MBTPS1: variants seen among roughly 807,000 people sequenced by gnomAD.
The protein encoded by MBTPS1 is membrane bound transcription factor peptidase, site 1.
Under a neutral mutation model 127.8 loss-of-function variants are expected in MBTPS1, and 94 were observed. The observed-to-expected ratio is 0.74, with a 90% CI of 0.62 to 0.87. The LOEUF is 0.87. MBTPS1 is among the 40% of genes least tolerant of loss of function. The pLI is 0.00. For synonymous variants in MBTPS1, 632 were observed against 509.4 expected, an observed-to-expected ratio of 1.24 and a Z score of -3.24; for missense variants, 1,636 against 1,353.2, an observed-to-expected ratio of 1.21 and a Z score of -3.28.
At chr16:84,099,513 C>A (rs905028417) in intron 2 of MBTPS1, among the ~76,000 whole-genome samples, 3 of 152,118 alleles carry the variant, frequency 2.0e-5, no homozygotes, top group African/African-American at 4.8e-5. Context: ...GGGCTGGGCG[C>A]GGTGGCTCAC....
At chr16:84,097,511 C>G (rs1238996847) in intron 3 of MBTPS1, among the ~76,000 whole-genome samples, 1 of 152,300 alleles carries the variant, frequency 6.6e-6, no homozygotes, top group East Asian at 1.9e-4. Flanking sequence ...CCGGAACACA[C>G]GCAGTGGAGA....
intron 8 of MBTPS1, among the ~76,000 whole-genome samples, 153 bp from the exon 9 acceptor site, chr16:84,087,613 C>CG (rs2086049153): frequency 6.6e-6 from 1 of 152,174 alleles, no homozygotes; most frequent in African/African-American, 2.4e-5. Flanking sequence ...CAGCTCCTCA[C>CG]GGCTGTCCTG....
chr16:84,065,655 G>T (rs1422184844), intron 18 of MBTPS1, 35 bp downstream of exon 18: 4 of 1,403,096 alleles, frequency 2.9e-6, no homozygotes, highest in Non-Finnish European at 4.0e-6. Flanking sequence ...GCGAGAGAAA[G>T]AAGAAGCAAA....
Position 84,093,298 on chromosome 16 carries a change from C to G in MBTPS1, c.737-1G>C, listed in dbSNP as rs1313045481. 1 of 1,597,956 alleles carries G rather than the reference C, an allele frequency of 6.3e-7. No individual in the cohort carries two copies. Reference sequence around the variant, plus strand: ...GCCACGAATGTGCCATGGCCCAACCCTGCAGTCCATAAAGAAAACAATCCC... The same window carrying G: ...GCCACGAATGTGCCATGGCCCAACCGTGCAGTCCATAAAGAAAACAATCCC... On this transcript the variant is annotated splice_acceptor_variant, in intron 5 of 22. Transcript: ENST00000343411. LOFTEE classifies it high-confidence loss of function.
intron 1 of MBTPS1, among the ~76,000 whole-genome samples, chr16:84,111,843 G>C (rs2086402058): frequency 1.3e-5 from 2 of 151,408 alleles, no homozygotes; most frequent in Admixed American, 1.3e-4. Context: ...AAGTAAAACA[G>C]TTCATGCACC....
At chr16:84,098,929 T>A (rs756233434) in intron 3 of MBTPS1, 124 bp downstream of exon 3, 1 of 1,010,030 alleles carries the variant, frequency 9.9e-7, no homozygotes, top group Non-Finnish European at 1.5e-6. Context: ...CAGGAAAATG[T>A]TCACAATTAG....
At chr16:84,064,625 C>G (rs1426742455) in intron 18 of MBTPS1, among the ~76,000 whole-genome samples, 1 of 152,086 alleles carries the variant, frequency 6.6e-6, no homozygotes, top group East Asian at 1.9e-4. Flanking sequence ...GGGTACAAGC[C>G]AATGAGACCA....
chr16:84,064,808 T>C (rs1265012969), intron 18 of MBTPS1, among the ~76,000 whole-genome samples: 1 of 152,216 alleles, frequency 6.6e-6, no homozygotes, highest in African/African-American at 2.4e-5. Context: ...AACTTGCTTT[T>C]GATAAAAGGA....
In MBTPS1 at chr16:84,093,219, A is replaced by G; in HGVS notation, c.815T>C (p.Leu272Pro). 6.2e-7 allele frequency: 1 copy of G among 1,613,888 alleles called. No homozygotes were observed. Among genetic ancestry groups the G allele is most frequent in the Non-Finnish European group, 8.5e-7 (1 of 1,179,728 alleles). Residue 272 changes from leucine to proline, a missense_variant, in exon 6 of 23, where the codon CTT becomes CCT. Leu to Pro is a moderately conservative substitution (Grantham distance 98, BLOSUM62 -3). Transcript: ENST00000343411. ...ECQGFAPDAE[L>P]HIFRVFTNNQ... ...ATTGGTAAAGACCCTGAAAATGTGA[A>G]GTTCTGCATCTGGAGCAAATCCTTG...
Position 84,060,610 on chromosome 16 carries a change from C to T in MBTPS1, c.2704+72G>A, listed in dbSNP as rs112162352. The T allele has an allele frequency of 6.8e-5, 106 of 1,548,034 alleles. No homozygotes were observed. The African/African-American group carries it at 1.2e-3, about 18-fold the overall frequency. On this transcript the variant is annotated intron_variant, in intron 20 of 22. Transcript: ENST00000343411. ...TGGCCCCACTTGCTGGCAGGCACAG[C>T]CACTGGCTGAAGTAGCATCATGTTC...
chr16:84,091,793 ATCT>A lies in MBTPS1; in HGVS notation c.899_901del (p.Lys300del). 1 of 1,614,200 alleles carries A rather than the reference ATCT, an allele frequency of 6.2e-7. No individual in the cohort carries two copies. Among genetic ancestry groups the A allele is most frequent in the Non-Finnish European group, 8.5e-7 (1 of 1,180,014 alleles). On this transcript the variant is annotated inframe_deletion, in exon 7 of 23. Coordinates refer to ENST00000343411, the MANE Select transcript of MBTPS1 (RefSeq NM_003791.4). ...GCCGATGCTGAGGTTTAACACGTCG[ATCT>A]TCTTTAAAATGGCATAGTTGAAGGC...
chr16:84,072,331 G>C (rs2085782020), intron 12 of MBTPS1, among the ~76,000 whole-genome samples: 1 of 152,102 alleles, frequency 6.6e-6, no homozygotes, highest in South Asian at 2.1e-4. Flanking sequence ...AGGAGTGGCT[G>C]ATAATGGGTA....
At chr16:84,084,545 T>G (rs1027808023) in intron 10 of MBTPS1, among the ~76,000 whole-genome samples, 1 of 152,192 alleles carries the variant, frequency 6.6e-6, no homozygotes, top group Non-Finnish European at 1.5e-5. Flanking sequence ...ATCTTACATA[T>G]ACGCAGTAGG....
chr16:84,108,951 G>A (rs1567507170), intron 1 of MBTPS1, among the ~76,000 whole-genome samples: 2 of 152,326 alleles, frequency 1.3e-5, no homozygotes, highest in East Asian at 1.9e-4. Context: ...TGAATTTAAG[G>A]TTTTCAATAC....
In MBTPS1 at chr16:84,074,688, C is replaced by T. The variant is rs2085826614; in HGVS notation, c.1502G>A (p.Cys501Tyr). The stretch of plus-strand genomic sequence containing the variant: ...TCCTCCATAGTAGATGGGCTGGGAG[C>T]AGTAGGGCCACATGTAGGGACACTC... ...LTECPYMWPY[C>Y]SQPIYYGGMP... Residue 501 changes from cysteine to tyrosine, a missense_variant, in exon 12 of 23, where the codon TGC becomes TAC. By Grantham distance (194) the Cys-to-Tyr change is radical. Coordinates refer to ENST00000343411, the MANE Select transcript of MBTPS1 (RefSeq NM_003791.4). 7 of 1,614,110 alleles carry T rather than the reference C, an allele frequency of 4.3e-6. No individual in the cohort carries two copies. Among genetic ancestry groups the T allele is most frequent in the Non-Finnish European group, 5.9e-6 (7 of 1,179,982 alleles).
chr16:84,063,234 G>A (rs1369468314), intron 19 of MBTPS1, 71 bp downstream of exon 19: 27 of 1,515,786 alleles, frequency 1.8e-5, no homozygotes, highest in East Asian at 2.3e-5. Flanking sequence ...TCTCACGGGC[G>A]CCTTTCCAGA....
chr16:84,093,942 C>A (rs1241117557), intron 4 of MBTPS1, 121 bp from the exon 5 acceptor site: 15 of 731,058 alleles, frequency 2.1e-5, no homozygotes, highest in Non-Finnish European at 9.4e-6. Context: ...AAGGCCAAAG[C>A]TGCTCAGAGC....
intron 3 of MBTPS1, 62 bp downstream of exon 3, chr16:84,098,991 T>C: frequency 6.7e-7 from 1 of 1,482,266 alleles, no homozygotes; most frequent in Non-Finnish European, 9.3e-7. Flanking sequence ...TCAACTACTC[T>C]GCAGTTTGAG....
intron 1 of MBTPS1, among the ~76,000 whole-genome samples, chr16:84,108,314 G>C (rs1250542661): frequency 6.6e-6 from 1 of 152,152 alleles, no homozygotes; most frequent in African/African-American, 2.4e-5. Context: ...GCCCAGGCTG[G>C]AGTGCAATGG....
Sources: gnomAD v4.1 joint callset for allele counts (sites outside exome capture counted in the v4.1 genomes callset) on GRCh38, gnomAD v4.1.1 for gene constraint, MANE v1.5 for transcripts, NCBI Gene and HGNC (gene_info 2026-07-23, HGNC 2026-07-21) for gene names.